MYO1E: variants seen among roughly 807,000 people sequenced by gnomAD.
MYO1E encodes unconventional myosin-Ie.
MYO1E carries 68 observed loss-of-function variants against 151.1 expected under a neutral mutation model. The observed-to-expected ratio is 0.45, with a 90% CI of 0.37 to 0.55. MYO1E has a LOEUF of 0.55. MYO1E is among the 20% of genes least tolerant of loss of function. MYO1E has a pLI of 0.00. For synonymous variants in MYO1E, 601 were observed against 501.7 expected, an observed-to-expected ratio of 1.20 and a Z score of -2.64; for missense variants, 1,363 against 1,389.3, an observed-to-expected ratio of 0.98 and a Z score of 0.30.
chr15:59,288,934 A>C (rs552150261), intron 1 of MYO1E, among the ~76,000 whole-genome samples: 2 of 152,378 alleles, frequency 1.3e-5, no homozygotes, highest in Admixed American at 1.3e-4. Context: ...TAGGCAAAAA[A>C]TTAAGGTGTT....
At chr15:59,158,445 T>G in intron 24 of MYO1E, 66 bp from the exon 25 acceptor site, 1 of 1,290,270 alleles carries the variant, frequency 7.8e-7, no homozygotes. Context: ...TCATGGTTCT[T>G]TGCATATGGA....
At chr15:59,322,890 G>A (rs192024122) in intron 1 of MYO1E, among the ~76,000 whole-genome samples, 112 of 152,004 alleles carry the variant, frequency 7.4e-4, no homozygotes, top group Non-Finnish European at 8.8e-4. Flanking sequence ...GGCCGGGCAC[G>A]GTGGCTTACG....
At chr15:59,178,669 C>T (rs749984747) in intron 18 of MYO1E, 132 bp from the exon 19 acceptor site, 7 of 1,231,230 alleles carry the variant, frequency 5.7e-6, no homozygotes, top group South Asian at 1.5e-5. Flanking sequence ...TGTTTACCAG[C>T]GTTCGAAGGC....
intron 25 of MYO1E, among the ~76,000 whole-genome samples, chr15:59,156,699 A>T (rs2140308435): frequency 6.6e-6 from 1 of 152,386 alleles, no homozygotes; most frequent in East Asian, 1.9e-4. Flanking sequence ...GGAAGACTGG[A>T]ATCAAATACA....
chr15:59,185,355 T>C (rs942185903), intron 18 of MYO1E, among the ~76,000 whole-genome samples: 2 of 152,030 alleles, frequency 1.3e-5, no homozygotes, highest in African/African-American at 2.4e-5. Flanking sequence ...GCAACTTCCA[T>C]CTCCCTGGTT....
intron 1 of MYO1E, among the ~76,000 whole-genome samples, chr15:59,296,867 T>C (rs1226846094): frequency 1.4e-5 from 2 of 144,306 alleles, no homozygotes; most frequent in East Asian, 4.1e-4. Flanking sequence ...TGAGATGGAA[T>C]CTCGCTCTGT....
At chr15:59,223,566 C>T (rs1317208357) in intron 8 of MYO1E, among the ~76,000 whole-genome samples, 1 of 152,168 alleles carries the variant, frequency 6.6e-6, no homozygotes, top group African/African-American at 2.4e-5. Flanking sequence ...TCTCCAAGTC[C>T]TGTCTTCATC....
intron 1 of MYO1E, among the ~76,000 whole-genome samples, chr15:59,357,906 T>C (rs1002210266): frequency 2.0e-5 from 3 of 152,020 alleles, no homozygotes; most frequent in Non-Finnish European, 4.4e-5. Context: ...AAACACCAAG[T>C]GGATGAATTT....
chr15:59,174,554 T>C (rs1169788492), intron 19 of MYO1E, among the ~76,000 whole-genome samples: 1 of 152,162 alleles, frequency 6.6e-6, no homozygotes, highest in African/African-American at 2.4e-5. Flanking sequence ...GCTTCTCCAC[T>C]TATTCCCCAC....
intron 1 of MYO1E, among the ~76,000 whole-genome samples, chr15:59,331,490 G>A (rs1316799386): frequency 6.6e-6 from 1 of 152,148 alleles, no homozygotes; most frequent in East Asian, 1.9e-4. Flanking sequence ...GGGAGAGGTA[G>A]AACAATATAT....
chr15:59,242,282 G>T (rs185221562), intron 4 of MYO1E, among the ~76,000 whole-genome samples: 8 of 152,294 alleles, frequency 5.3e-5, no homozygotes, highest in Admixed American at 2.6e-4. Flanking sequence ...AATGACCAAT[G>T]CCAGGGCTGG....
intron 10 of MYO1E, among the ~76,000 whole-genome samples, chr15:59,215,607 C>T (rs1329605998): frequency 1.3e-5 from 2 of 152,072 alleles, no homozygotes; most frequent in Non-Finnish European, 2.9e-5. Flanking sequence ...GTGATGAATA[C>T]CTGGACGAAT....
Position 59,356,436 on chromosome 15 carries a change from A to C in MYO1E, c.3+16062T>G, listed in dbSNP as rs575537504. Among the ~76,000 whole-genome samples, 43 of 152,288 alleles carry C rather than the reference A, an allele frequency of 2.8e-4. 2 individuals carry two copies. Among genetic ancestry groups the C allele is most frequent in the African/African-American group, 9.4e-4 (39 of 41,560 alleles). On this transcript the variant is annotated intron_variant, in intron 1 of 27. Coordinates refer to ENST00000288235, the MANE Select transcript of MYO1E (RefSeq NM_004998.4). ...TCATTCTATCAGCTGAGTACCCACG[A>C]GCAGCAGTTTTTTGGAGTAGATTTT...
chr15:59,151,109 T>G (rs1011421961), intron 26 of MYO1E, among the ~76,000 whole-genome samples: 18 of 151,726 alleles, frequency 1.2e-4, no homozygotes, highest in African/African-American at 3.6e-4. Context: ...TCCACTCTAC[T>G]GATGGCTGTC....
At chr15:59,343,887 T>C (rs1413278350) in intron 1 of MYO1E, among the ~76,000 whole-genome samples, 2 of 152,200 alleles carry the variant, frequency 1.3e-5, no homozygotes, top group Admixed American at 6.6e-5. Flanking sequence ...CTTTGTTAAA[T>C]GTATCTGATA....
At chr15:59,236,711 A>G (rs1218223282) in intron 4 of MYO1E, 39 bp from the exon 5 acceptor site, 1 of 1,519,846 alleles carries the variant, frequency 6.6e-7, no homozygotes, top group Admixed American at 1.7e-5. Flanking sequence ...TGAGAAGTGG[A>G]TTGCGACCAG....
At chr15:59,152,885 A>G (rs554403495) in intron 26 of MYO1E, among the ~76,000 whole-genome samples, 3 of 152,316 alleles carry the variant, frequency 2.0e-5, no homozygotes, top group East Asian at 3.9e-4. Context: ...AGGGCAACTC[A>G]TATTTGGGTT....
chr15:59,350,964 T>C lies in MYO1E; in HGVS notation c.3+21534A>G, dbSNP rs2080820024. On this transcript the variant is annotated intron_variant, in intron 1 of 27. Transcript: ENST00000288235. The surrounding 1 kb of genome is among the most constrained non-coding windows in gnomAD (Gnocchi z 5.0). Reference sequence around the variant, plus strand: ...CAGGCTGGCGTGCAGTGGCGCGATCTCGGCTCAATGCAAGCTCCGCCTCCC... The same window carrying C: ...CAGGCTGGCGTGCAGTGGCGCGATCCCGGCTCAATGCAAGCTCCGCCTCCC... Among the ~76,000 whole-genome samples the C allele has an allele frequency of 6.6e-6, 1 of 152,254 alleles. No homozygotes were observed. The highest frequency in any genetic ancestry group is 2.4e-5 in the African/African-American group (1 of 41,466).
At chr15:59,236,236 A>T (rs1472619412) in intron 5 of MYO1E, among the ~76,000 whole-genome samples, 4 of 151,766 alleles carry the variant, frequency 2.6e-5, no homozygotes, top group African/African-American at 9.7e-5. Flanking sequence ...CCAGCTACTC[A>T]GGAGGCTGAG....
Sources: allele counts gnomAD v4.1 joint callset (sites outside exome capture counted in the v4.1 genomes callset), GRCh38; gene constraint gnomAD v4.1.1; non-coding constraint Gnocchi (gnomAD v3.1); transcripts MANE v1.5; gene names NCBI Gene and HGNC (gene_info 2026-07-23, HGNC 2026-07-21).